Variants in FBN2 observed in about 807,000 individuals in gnomAD.
FBN2 encodes the protein fibrillin-2.
In FBN2, 105 loss-of-function variants were observed where a neutral mutation model predicts 355.6. The ratio of observed to expected loss-of-function variants is 0.30; its 90% CI spans 0.25 to 0.35. The LOEUF is 0.35. FBN2 is among the 10% of genes least tolerant of loss of function. FBN2 has a pLI of 1.00. For synonymous variants in FBN2, 1,350 were observed against 1,301.2 expected (o/e 1.04, Z -0.81); for missense variants, 3,280 against 3,758.7 (o/e 0.87, Z 3.33).
intron 20 of FBN2, among the ~76,000 whole-genome samples, chr5:128,355,668 ATT>A (rs1751480688): frequency 6.6e-6 from 1 of 152,108 alleles, no homozygotes; most frequent in African/African-American, 2.4e-5. Flanking sequence ...ATATTTTACT[ATT>A]TGTTATTTTC....
chr5:128,488,662 C>T (rs913381569), intron 5 of FBN2, among the ~76,000 whole-genome samples: 24 of 151,428 alleles, frequency 1.6e-4, no homozygotes, highest in African/African-American at 5.6e-4. Context: ...TCCCCCCACC[C>T]CACAACAGTC....
rs574192435 is a variant in FBN2, at chr5:128,464,383, T to G, written c.826+341A>C. 7.4e-4 allele frequency among the ~76,000 whole-genome samples: 113 copies of G among 152,208 alleles called. 1 individual carries two copies. Among genetic ancestry groups the G allele is most frequent in the African/African-American group, 2.5e-3 (105 of 41,532 alleles). On this transcript the variant is annotated intron_variant, in intron 6 of 64. Coordinates refer to ENST00000262464, the MANE Select transcript of FBN2 (RefSeq NM_001999.4). ...GAATGAGATAAAGAGAAAAAATAGG[T>G]TTTTCCTGGGTATTTGCATGAGTAT... is the stretch of plus-strand genomic sequence containing the variant.
chr5:128,469,123 G>C (rs1754788381), intron 5 of FBN2, among the ~76,000 whole-genome samples: 1 of 152,170 alleles, frequency 6.6e-6, no homozygotes, highest in African/African-American at 2.4e-5. Flanking sequence ...GGAGGAAGGA[G>C]ACATACAGAA....
chr5:128,389,541 C>T (rs1279997208), intron 11 of FBN2, among the ~76,000 whole-genome samples: 1 of 152,140 alleles, frequency 6.6e-6, no homozygotes, highest in Non-Finnish European at 1.5e-5. Flanking sequence ...TCTGCTCTGT[C>T]CAGGTCCAAC....
intron 34 of FBN2, among the ~76,000 whole-genome samples, chr5:128,324,604 G>A (rs1269724237): frequency 6.7e-6 from 1 of 149,996 alleles, no homozygotes; most frequent in Non-Finnish European, 1.5e-5. Context: ...TTTTGAGTGA[G>A]TTTGTTTTCT....
intron 7 of FBN2, among the ~76,000 whole-genome samples, chr5:128,412,671 T>G (rs533541176): frequency 3.9e-5 from 6 of 152,190 alleles, no homozygotes; most frequent in Non-Finnish European, 8.8e-5. Context: ...GCTGGGAAAC[T>G]GATGGACAAT....
At chr5:128,395,425 A>G (rs532164919) in intron 8 of FBN2, 151 bp from the exon 9 acceptor site, 1 of 878,478 alleles carries the variant, frequency 1.1e-6, no homozygotes, top group South Asian at 1.5e-5. Context: ...TATCTCAGAC[A>G]TTCATTGAGC....
rs1267286874 is a variant in FBN2 at position 128,393,386 on chromosome 5, T to C, written c.1232-18A>G. Reference sequence around the variant, plus strand: ...ATATTCCTCTAGAAGAAAAGAAAGTTGGCATTAAGCACAGGTGAATGTCTT... The same window carrying C: ...ATATTCCTCTAGAAGAAAAGAAAGTCGGCATTAAGCACAGGTGAATGTCTT... On this transcript the variant is annotated intron_variant, in intron 9 of 64. Transcript: ENST00000262464. 2 of 1,607,542 alleles carry C rather than the reference T, an allele frequency of 1.2e-6. No individual in the cohort carries two copies. Among genetic ancestry groups the C allele is most frequent in the Non-Finnish European group, 1.7e-6 (2 of 1,174,154 alleles).
intron 6 of FBN2, among the ~76,000 whole-genome samples, chr5:128,455,045 G>A (rs756773303): frequency 2.0e-5 from 3 of 151,964 alleles, no homozygotes; most frequent in African/African-American, 7.3e-5. Flanking sequence ...AAAATTTTAG[G>A]AGCACCCTGT....
At chr5:128,439,515 T>C (rs900575051) in intron 7 of FBN2, among the ~76,000 whole-genome samples, 1 of 152,138 alleles carries the variant, frequency 6.6e-6, no homozygotes, top group East Asian at 1.9e-4. Context: ...AGGATAAATA[T>C]GTTTTTGCGA....
At chr5:128,414,710 T>A (rs1753151533) in intron 7 of FBN2, among the ~76,000 whole-genome samples, 1 of 152,144 alleles carries the variant, frequency 6.6e-6, no homozygotes, top group Non-Finnish European at 1.5e-5. Flanking sequence ...ACTGACAAAC[T>A]GTTTTCCAAA....
chr5:128,418,381 T>C (rs1753259447), intron 7 of FBN2, among the ~76,000 whole-genome samples: 1 of 152,164 alleles, frequency 6.6e-6, no homozygotes. Flanking sequence ...TTCCTTCCAC[T>C]AATTTTGGGT....
In FBN2 at chr5:128,311,933, G is replaced by T; in HGVS notation, c.4900C>A (p.Pro1634Thr). The change falls in exon 38 of 65, where the codon CCC (proline) becomes ACC (threonine). Residue 1634 changes from proline (P) to threonine (T), a missense_variant. Transcript: ENST00000262464. ...VNSTEYYTLCPGGEGFRPNPI... is the reference protein window; with the variant it reads ...VNSTEYYTLCTGGEGFRPNPI... Reference sequence around the variant, plus strand: ...TTAGGTCTGAAGCCTTCACCTCCGGGACACAGGGTGTAATATTCAGCTACA... The same window carrying T: ...TTAGGTCTGAAGCCTTCACCTCCGGTACACAGGGTGTAATATTCAGCTACA... 6.2e-7 allele frequency: 1 copy of T among 1,611,502 alleles called. No homozygotes were observed. Among genetic ancestry groups the T allele is most frequent in the South Asian group, 1.1e-5 (1 of 90,982 alleles).
rs185954719 is a variant in FBN2 at position 128,341,376 on chromosome 5, G to T, written c.3344-2315C>A. On this transcript the variant is annotated intron_variant, in intron 25 of 64. Coordinates refer to ENST00000262464, the MANE Select transcript of FBN2 (RefSeq NM_001999.4). ...GTGGCAGTGAAGGATTTGACCGTGG[G>T]AACTTAACAGGTTGGGAGATCCTGG... is the stretch of plus-strand genomic sequence containing the variant. Among the ~76,000 whole-genome samples, 619 of 152,278 alleles carry T rather than the reference G, an allele frequency of 4.1e-3. 2 individuals carry two copies. The highest frequency in any genetic ancestry group is 0.015 in the South Asian group (70 of 4,824).
intron 34 of FBN2, among the ~76,000 whole-genome samples, chr5:128,320,095 T>C (rs918274441): frequency 6.6e-6 from 1 of 152,340 alleles, no homozygotes; most frequent in Middle Eastern, 3.4e-3. Flanking sequence ...TGTCTTTTAT[T>C]GTGTTGGGGG....
intron 34 of FBN2, chr5:128,328,399 A>C: frequency 3.3e-6 from 2 of 597,252 alleles, no homozygotes; most frequent in Non-Finnish European, 5.9e-6. Context: ...TAGTTTCTCC[A>C]CATGTCATTC....
At chr5:128,456,021 A>AAAAC (rs1182047917) in intron 6 of FBN2, among the ~76,000 whole-genome samples, 1 of 148,968 alleles carries the variant, frequency 6.7e-6, no homozygotes, top group African/African-American at 2.5e-5. Flanking sequence ...AAAAAAAAAA[A>AAAAC]AAGCAACTGC....
At chr5:128,328,609 C>G in intron 34 of FBN2, 87 bp downstream of exon 34, 2 of 1,418,362 alleles carry the variant, frequency 1.4e-6, no homozygotes, top group Middle Eastern at 1.9e-4. Context: ...ATTCTGCTTC[C>G]AGGTGGAGCT....
intron 4 of FBN2, among the ~76,000 whole-genome samples, chr5:128,524,759 CT>C (rs1281127691): frequency 1.3e-5 from 2 of 152,124 alleles, no homozygotes; most frequent in Non-Finnish European, 2.9e-5. Context: ...TACCTTCTTA[CT>C]TGCTGACAAA....
Sources: gnomAD v4.1 joint callset for allele counts (sites outside exome capture counted in the v4.1 genomes callset) on GRCh38, gnomAD v4.1.1 for gene constraint, MANE v1.5 for transcripts, NCBI Gene and HGNC (gene_info 2026-07-23, HGNC 2026-07-21) for gene names.